Variants in MRPS5 observed in about 807,000 individuals in gnomAD.
The protein encoded by MRPS5 is small ribosomal subunit protein uS5m.
Under a neutral mutation model 51.9 loss-of-function variants are expected in MRPS5, and 27 were observed. The ratio of observed to expected loss-of-function variants is 0.52; its 90% confidence interval spans 0.38 to 0.72. MRPS5 has a LOEUF of 0.72. MRPS5 is among the 30% of genes least tolerant of loss of function. The pLI is 0.00. For synonymous variants in MRPS5, 196 were observed against 193.2 expected, an observed-to-expected ratio of 1.01 and a Z score of -0.12; for missense variants, 570 against 545.7, an observed-to-expected ratio of 1.04 and a Z score of -0.44.
Position 95,086,987 on chromosome 2 carries a change from G to A in MRPS5, c.*370C>T, listed in dbSNP as rs990043856. Among the ~76,000 whole-genome samples the A allele has an allele frequency of 2.6e-5, 4 of 152,240 alleles. No homozygotes were observed. Among genetic ancestry groups the A allele is most frequent in the Middle Eastern group, 3.4e-3 (1 of 294 alleles). ...TTACTTAACTGCTCTGTAAAATGAA[G>A]TTAATCACATTCACTTTGGATGAAT... On this transcript the variant is annotated 3_prime_UTR_variant, in exon 12 of 12. Transcript: ENST00000272418.
At position 95,101,741 on chromosome 2, in the gene MRPS5, A is replaced by G. The variant is rs1483506252; in HGVS notation, c.764-18T>C. The stretch of plus-strand genomic sequence containing the variant: ...AGAAAAACCTTTAAACAAAAAAGCA[A>G]AAATAAGAAAAGAGACAGAAATTTT... On this transcript the variant is annotated intron_variant, in intron 7 of 11. Coordinates refer to ENST00000272418, the MANE Select transcript of MRPS5 (RefSeq NM_031902.5). The G allele has an allele frequency of 1.0e-5, 16 of 1,584,108 alleles. No individual in the cohort carries two copies. Among genetic ancestry groups the G allele is most frequent in the Non-Finnish European group, 1.1e-5 (13 of 1,167,984 alleles).
intron 5 of MRPS5, 126 bp downstream of exon 5, chr2:95,108,049 C>T (rs1171244657): frequency 1.3e-6 from 1 of 751,198 alleles, no homozygotes; most frequent in Non-Finnish European, 2.2e-6. Context: ...TATGTTATTT[C>T]AAAGATGTTC....
intron 5 of MRPS5, among the ~76,000 whole-genome samples, chr2:95,107,968 A>C (rs1301515632): frequency 6.6e-6 from 1 of 152,078 alleles, no homozygotes; most frequent in African/African-American, 2.4e-5. Context: ...AATACCAGGA[A>C]CCCAGTGCTT....
chr2:95,119,347 T>C (rs973632862), intron 1 of MRPS5, among the ~76,000 whole-genome samples: 2 of 152,204 alleles, frequency 1.3e-5, no homozygotes, highest in Non-Finnish European at 2.9e-5. Flanking sequence ...AGGAGGCTCA[T>C]GCCTGTAATC....
Position 95,109,072 on chromosome 2 carries a change from T to C in MRPS5, c.404-664A>G, listed in dbSNP as rs1436318374. On this transcript the variant is annotated intron_variant, in intron 4 of 11. Transcript: ENST00000272418. Reference sequence around the variant, plus strand: ...CACCAATATGAGGCCAGTGGTTTCCTTGAGGGAGACAATAGGATTGAAGAA... The same window carrying C: ...CACCAATATGAGGCCAGTGGTTTCCCTGAGGGAGACAATAGGATTGAAGAA... Among the ~76,000 whole-genome samples, 6 of 151,946 alleles carry C rather than the reference T, an allele frequency of 3.9e-5. No individual in the cohort carries two copies. The South Asian group carries it at 6.2e-4, about 16-fold the overall frequency.
intron 11 of MRPS5, among the ~76,000 whole-genome samples, chr2:95,089,179 C>G (rs890634491): frequency 2.6e-5 from 4 of 152,198 alleles, no homozygotes; most frequent in African/African-American, 9.6e-5. Context: ...TTTCAATTTA[C>G]AAGTGCTCTG....
intron 8 of MRPS5, among the ~76,000 whole-genome samples, chr2:95,101,384 CAA>C (rs34810443): frequency 2.0e-4 from 12 of 60,816 alleles, no homozygotes; most frequent in African/African-American, 1.2e-4. Context: ...GACAACGTCT[CAA>C]AAAAAAAAAA....
chr2:95,109,234 C>T (rs1676044626), intron 4 of MRPS5, among the ~76,000 whole-genome samples: 1 of 151,890 alleles, frequency 6.6e-6, no homozygotes, highest in Non-Finnish European at 1.5e-5. Flanking sequence ...AGAAAAATAT[C>T]CAAGTAGACA....
chr2:95,089,576 C>G lies in MRPS5; in HGVS notation c.1068+810G>C, dbSNP rs566429287. ...TTGGGAGCCGGGCCCAGGGCTCCCA[C>G]CTATGAGGAAAAGTAACCTGATATG... On this transcript the variant is annotated intron_variant, in intron 11 of 11. Transcript: ENST00000272418. Among the ~76,000 whole-genome samples the G allele has an allele frequency of 1.5e-3, 230 of 152,234 alleles. 3 individuals are homozygous for G. Among genetic ancestry groups the G allele is most frequent in the South Asian group, 2.9e-3 (14 of 4,816 alleles).
chr2:95,086,534 C>T lies in MRPS5; in HGVS notation c.*823G>A, dbSNP rs1161219396. Among the ~76,000 whole-genome samples the T allele has an allele frequency of 6.6e-6, 1 of 151,972 alleles. No individual in the cohort carries two copies. Among genetic ancestry groups the T allele is most frequent in the Non-Finnish European group, 1.5e-5 (1 of 68,010 alleles). ...AGACTGGAAAAAAAATAAACAGCGC[C>T]TCAGGGACTCACGGGACAATAGTAA... On this transcript the variant is annotated 3_prime_UTR_variant, in exon 12 of 12. Transcript: ENST00000272418.
chr2:95,107,474 G>T (rs187661623), intron 5 of MRPS5, among the ~76,000 whole-genome samples: 8 of 152,242 alleles, frequency 5.3e-5, no homozygotes, highest in African/African-American at 1.9e-4. Flanking sequence ...TAGGGACTTG[G>T]TTCATGGATT....
chr2:95,114,468 T>TCA (rs1418314514), intron 3 of MRPS5, among the ~76,000 whole-genome samples: 1 of 152,094 alleles, frequency 6.6e-6, no homozygotes, highest in Non-Finnish European at 1.5e-5. Context: ...AGACAGGGTT[T>TCA]CACTGTGTTT....
rs1676465182 is a variant in MRPS5, at chr2:95,121,797, A to T, written c.-6T>A. 2 of 1,542,074 alleles carry T rather than the reference A, an allele frequency of 1.3e-6. No individual in the cohort carries two copies. Among genetic ancestry groups the T allele is most frequent in the African/African-American group, 2.8e-5 (2 of 71,380 alleles). Reference sequence around the variant, plus strand: ...GCGCGCACCGCGGTCGCCATGCTGGAGTCCGAGCCGCGCCTCGGCCTCCGC... The same window carrying T: ...GCGCGCACCGCGGTCGCCATGCTGGTGTCCGAGCCGCGCCTCGGCCTCCGC... On this transcript the variant is annotated 5_prime_UTR_variant, in exon 1 of 12. Coordinates refer to ENST00000272418, the MANE Select transcript of MRPS5 (RefSeq NM_031902.5).
chr2:95,100,375 G>T, intron 10 of MRPS5, 99 bp downstream of exon 10: 1 of 836,412 alleles, frequency 1.2e-6, no homozygotes, highest in Non-Finnish European at 1.9e-6. Flanking sequence ...GTGTTTCCAA[G>T]ATGAGTTCAA....
intron 1 of MRPS5, among the ~76,000 whole-genome samples, chr2:95,119,507 G>A (rs1022237224): frequency 2.0e-5 from 3 of 151,924 alleles, no homozygotes; most frequent in African/African-American, 7.3e-5. Context: ...AACTACACAG[G>A]AGGCTGAAGT....
intron 3 of MRPS5, among the ~76,000 whole-genome samples, chr2:95,110,808 G>T (rs1050535375): frequency 1.3e-5 from 2 of 151,982 alleles, no homozygotes; most frequent in African/African-American, 4.8e-5. Flanking sequence ...AAAAATAATT[G>T]TTCCATTACC....
intron 10 of MRPS5, chr2:95,093,504 T>C (rs1675531369): frequency 6.6e-6 from 1 of 152,280 alleles, no homozygotes; most frequent in Non-Finnish European, 1.5e-5. Flanking sequence ...GAGACGTAGA[T>C]TCCAGAGGAA....
intron 11 of MRPS5, among the ~76,000 whole-genome samples, chr2:95,087,808 C>T (rs1675341904): frequency 1.3e-5 from 2 of 152,118 alleles, no homozygotes; most frequent in South Asian, 4.1e-4. Flanking sequence ...AGAGGAAGGG[C>T]CTTGGCCTCT....
chr2:95,095,093 AAC>A (rs1444155194), intron 10 of MRPS5, among the ~76,000 whole-genome samples: 1 of 152,230 alleles, frequency 6.6e-6, no homozygotes, highest in African/African-American at 2.4e-5. Context: ...TCTCTGATAA[AAC>A]AGACTTTAAA....
Sources: allele counts gnomAD v4.1 joint callset (sites outside exome capture counted in the v4.1 genomes callset), GRCh38; gene constraint gnomAD v4.1.1; transcripts MANE v1.5; gene names NCBI Gene and HGNC (gene_info 2026-07-23, HGNC 2026-07-21).